Variants in DOCK4 observed in about 807,000 individuals in gnomAD.
The protein encoded by DOCK4 is dedicator of cytokinesis protein 4.
DOCK4 carries 97 observed loss-of-function variants against 268.1 expected under a neutral mutation model. The ratio of observed to expected loss-of-function variants is 0.36; its 90% CI spans 0.31 to 0.43. DOCK4 has a LOEUF of 0.43. DOCK4 is among the 20% of genes least tolerant of loss of function. The pLI, the probability that DOCK4 is intolerant of heterozygous loss-of-function variation, is 1.00. For missense variants in DOCK4, 2,145 were observed against 2,455.7 expected (o/e 0.87, Z 2.67); for synonymous variants, 954 against 887.2 (o/e 1.08, Z -1.34).
chr7:112,084,942 T>C (rs1036661911), intron 1 of DOCK4, among the ~76,000 whole-genome samples: 1 of 152,022 alleles, frequency 6.6e-6, no homozygotes, highest in African/African-American at 2.4e-5. Context: ...AACTAAAACA[T>C]ACAGAACATA....
At chr7:112,152,948 T>C (rs1020089314) in intron 1 of DOCK4, among the ~76,000 whole-genome samples, 1 of 152,214 alleles carries the variant, frequency 6.6e-6, no homozygotes, top group African/African-American at 2.4e-5. Flanking sequence ...AAACATATTT[T>C]TGTGTTTAAC....
intron 1 of DOCK4, among the ~76,000 whole-genome samples, chr7:112,184,438 A>G (rs1819317400): frequency 6.6e-6 from 1 of 152,200 alleles, no homozygotes; most frequent in South Asian, 2.1e-4. Context: ...GGCCTCACCC[A>G]GGGGCATTAC....
At chr7:112,033,458 C>T (rs1803462970) in intron 1 of DOCK4, among the ~76,000 whole-genome samples, 1 of 152,206 alleles carries the variant, frequency 6.6e-6, no homozygotes, top group African/African-American at 2.4e-5. Context: ...CTACATCCTG[C>T]TAATGAATTC....
intron 16 of DOCK4, among the ~76,000 whole-genome samples, chr7:111,881,964 G>A (rs1807429928): frequency 1.3e-5 from 2 of 152,130 alleles, no homozygotes; most frequent in South Asian, 2.1e-4. Flanking sequence ...AGGTGGGGAT[G>A]GTTAATGGGT....
intron 1 of DOCK4, among the ~76,000 whole-genome samples, chr7:112,133,769 T>C (rs1814042468): frequency 1.3e-5 from 2 of 152,142 alleles, no homozygotes; most frequent in African/African-American, 4.8e-5. Flanking sequence ...ATAAAATGGC[T>C]CTTTGGATGT....
At chr7:111,923,787 T>C (rs115084308) in intron 12 of DOCK4, among the ~76,000 whole-genome samples, 1,578 of 152,314 alleles carry the variant, frequency 0.01, 35 homozygotes, top group African/African-American at 0.037. Context: ...CTCTTAAATG[T>C]TTATTCAGGT....
At chr7:112,076,840 A>C (rs909498085) in intron 1 of DOCK4, among the ~76,000 whole-genome samples, 6 of 152,148 alleles carry the variant, frequency 3.9e-5, no homozygotes, top group African/African-American at 1.4e-4. Flanking sequence ...TTTATTTTTC[A>C]GGAAAGAATA....
chr7:112,147,066 C>A (rs770812044), intron 1 of DOCK4, among the ~76,000 whole-genome samples: 1 of 152,058 alleles, frequency 6.6e-6, no homozygotes, highest in Non-Finnish European at 1.5e-5. Flanking sequence ...TACTAGGGAA[C>A]ACTTTGTTAT....
intron 26 of DOCK4, among the ~76,000 whole-genome samples, chr7:111,829,712 T>C (rs1420052478): frequency 6.6e-6 from 1 of 152,196 alleles, no homozygotes; most frequent in East Asian, 1.9e-4. Context: ...TTAGTTAATA[T>C]TAAGCAACTG....
At chr7:111,867,823 A>C (rs1211266321) in intron 22 of DOCK4, among the ~76,000 whole-genome samples, 161 bp downstream of exon 22, 4 of 152,202 alleles carry the variant, frequency 2.6e-5, no homozygotes, top group Non-Finnish European at 5.9e-5. Flanking sequence ...CACAGAAGGT[A>C]GGGGAATTTT....
At chr7:112,032,134 C>CA (rs1422074935) in intron 1 of DOCK4, among the ~76,000 whole-genome samples, 5 of 151,454 alleles carry the variant, frequency 3.3e-5, no homozygotes, top group African/African-American at 7.3e-5. Flanking sequence ...ATTTTGATAG[C>CA]AAAAAAAATG....
chr7:111,729,979 TAGG>T (rs2133356113), intron 52 of DOCK4, among the ~76,000 whole-genome samples: 1 of 152,336 alleles, frequency 6.6e-6, no homozygotes, highest in East Asian at 1.9e-4. Flanking sequence ...CATAAAGAAC[TAGG>T]AGTTCTGGCC....
intron 1 of DOCK4, among the ~76,000 whole-genome samples, chr7:112,070,181 A>G (rs1412046593): frequency 6.6e-6 from 1 of 152,210 alleles, no homozygotes; most frequent in Non-Finnish European, 1.5e-5. Context: ...CTTCAGGCCA[A>G]ATGAATATAA....
intron 23 of DOCK4, among the ~76,000 whole-genome samples, chr7:111,859,721 C>T (rs1805332813): frequency 6.6e-6 from 1 of 151,484 alleles, no homozygotes; most frequent in South Asian, 2.1e-4. Flanking sequence ...GCGCCCGCCA[C>T]TACGCCCGGC....
At chr7:112,189,828 C>T (rs756899586) in intron 1 of DOCK4, among the ~76,000 whole-genome samples, 4 of 150,970 alleles carry the variant, frequency 2.6e-5, no homozygotes, top group Non-Finnish European at 5.9e-5. Context: ...GCAATCCACC[C>T]GCTTCAGCCT....
intron 3 of DOCK4, 59 bp from the exon 4 acceptor site, chr7:111,998,562 A>G (rs1800161638): frequency 7.2e-7 from 1 of 1,384,098 alleles, no homozygotes. Context: ...TGGTTTCACA[A>G]GTCATTTGTA....
At chr7:111,971,918 G>A (rs1000850592) in intron 8 of DOCK4, 16 of 172,046 alleles carry the variant, frequency 9.3e-5, no homozygotes, top group Non-Finnish European at 1.5e-4. Context: ...TTTCTCAAAC[G>A]GGATTTATCA....
At chr7:112,138,182 A>G (rs1814544146) in intron 1 of DOCK4, among the ~76,000 whole-genome samples, 1 of 152,206 alleles carries the variant, frequency 6.6e-6, no homozygotes, top group Non-Finnish European at 1.5e-5. Context: ...CTCTAAAGAC[A>G]ATGATTTTAC....
At chr7:111,732,354 C>T (rs1795162662) in intron 51 of DOCK4, 67 bp from the exon 52 acceptor site, 2 of 1,543,070 alleles carry the variant, frequency 1.3e-6, no homozygotes, top group Non-Finnish European at 1.8e-6. Context: ...CTGCACATGC[C>T]CTCTGTGTTA....
Sources: gnomAD v4.1 joint callset for allele counts (sites outside exome capture counted in the v4.1 genomes callset) on GRCh38, gnomAD v4.1.1 for gene constraint, MANE v1.5 for transcripts, NCBI Gene and HGNC (gene_info 2026-07-23, HGNC 2026-07-21) for gene names.